BIRC6: variants seen among roughly 807,000 people sequenced by gnomAD.
BIRC6 encodes baculoviral IAP repeat containing 6.
BIRC6 carries 98 observed loss-of-function variants against 503.3 expected under a neutral mutation model. The ratio of observed to expected loss-of-function variants is 0.19; its 90% CI spans 0.17 to 0.23. The LOEUF (loss-of-function observed/expected upper bound fraction) is 0.23, where lower values mean the gene tolerates loss of function less well. BIRC6 is among the 10% of genes least tolerant of loss of function. The pLI is 1.00. For synonymous variants in BIRC6, 2,240 were observed against 2,078.7 expected, an observed-to-expected ratio of 1.08 and a Z score of -2.11; for missense variants, 5,360 against 5,806.0, an observed-to-expected ratio of 0.92 and a Z score of 2.50.
chr2:32,409,583 C>T (rs901600836), intron 9 of BIRC6, among the ~76,000 whole-genome samples: 1 of 152,038 alleles, frequency 6.6e-6, no homozygotes, highest in Non-Finnish European at 1.5e-5. Flanking sequence ...GTATTTGAAC[C>T]ACAGATCAGA....
At chr2:32,452,621 G>A (rs2046843886) in intron 22 of BIRC6, among the ~76,000 whole-genome samples, 1 of 152,076 alleles carries the variant, frequency 6.6e-6, no homozygotes. Context: ...GGGAGCAAAT[G>A]TATGAAACTC....
chr2:32,387,664 A>G (rs921004261), intron 3 of BIRC6, among the ~76,000 whole-genome samples: 20 of 152,218 alleles, frequency 1.3e-4, no homozygotes, highest in African/African-American at 4.1e-4. Flanking sequence ...AACAGCAACA[A>G]AAACAATGCA....
chr2:32,398,815 A>G (rs1439659072), intron 6 of BIRC6, among the ~76,000 whole-genome samples: 1 of 152,122 alleles, frequency 6.6e-6, no homozygotes, highest in Admixed American at 6.5e-5. Flanking sequence ...GGTACGCTAG[A>G]TTTAGCTGGG....
At chr2:32,380,515 T>G (rs2037465710) in intron 3 of BIRC6, among the ~76,000 whole-genome samples, 1 of 152,022 alleles carries the variant, frequency 6.6e-6, no homozygotes, top group Admixed American at 6.6e-5. Flanking sequence ...TCACCTGAGG[T>G]CAGGAGTTTG....
At chr2:32,459,438 G>A (rs1373353065) in intron 23 of BIRC6, among the ~76,000 whole-genome samples, 1 of 152,074 alleles carries the variant, frequency 6.6e-6, no homozygotes, top group Admixed American at 6.5e-5. Context: ...GTCAATGTGT[G>A]TTTTCAGTTC....
intron 10 of BIRC6, among the ~76,000 whole-genome samples, chr2:32,427,069 C>T (rs2043587678): frequency 6.6e-6 from 1 of 152,028 alleles, no homozygotes; most frequent in Non-Finnish European, 1.5e-5. Flanking sequence ...CTTTGACTCT[C>T]AAGAGCTTAT....
intron 54 of BIRC6, among the ~76,000 whole-genome samples, 158 bp from the exon 55 acceptor site, chr2:32,514,832 A>G (rs1478366276): frequency 6.6e-6 from 1 of 152,180 alleles, no homozygotes; most frequent in Admixed American, 6.6e-5. Context: ...GTGTCTATAT[A>G]TATATATATG....
intron 50 of BIRC6, among the ~76,000 whole-genome samples, chr2:32,507,513 A>G (rs1301074022): frequency 6.6e-6 from 1 of 152,248 alleles, no homozygotes. Context: ...AAAAATCACA[A>G]TCTAGTAGTA....
intron 72 of BIRC6, among the ~76,000 whole-genome samples, chr2:32,611,234 T>C (rs2062856441): frequency 6.6e-6 from 1 of 151,888 alleles, no homozygotes; most frequent in African/African-American, 2.4e-5. Context: ...GCCTCCCAAA[T>C]TGAGTTTTAT....
In BIRC6 at chr2:32,480,271, C is replaced by T. The variant is rs140945663; in HGVS notation, c.7408+654C>T. On this transcript the variant is annotated intron_variant, in intron 37 of 73. Coordinates refer to ENST00000421745, the MANE Select transcript of BIRC6 (RefSeq NM_016252.4). ...AAGAGGCTTTTTCTGTCATTCCCAG[C>T]AGAGTTAGGGACTTTGCCATCTGTA... Among the ~76,000 whole-genome samples, 536 of 152,312 alleles carry T rather than the reference C, an allele frequency of 3.5e-3. 9 individuals carry two copies. The highest frequency in any genetic ancestry group is 0.026 in the East Asian group (137 of 5,186).
intron 33 of BIRC6, among the ~76,000 whole-genome samples, chr2:32,475,305 T>C (rs1399126434): frequency 2.6e-5 from 4 of 152,212 alleles, no homozygotes; most frequent in African/African-American, 9.6e-5. Flanking sequence ...AAAGTAACTT[T>C]CTGTGTACAT....
rs148383984 is a variant in BIRC6, at chr2:32,515,471, G to C, written c.11050G>C (p.Ala3684Pro). Residue 3684 changes from alanine (A) to proline (P), a missense_variant, in exon 55 of 74, where the codon GCT (alanine) becomes CCT (proline). By Grantham distance (27) the Ala-to-Pro change is conservative. Transcript: ENST00000421745. ...GATGCCTATCACAGCCGACCTAGTT[G>C]CTCCTATTCTTAGGTTTTTGACAGA... ...NKMPITADLV[A>P]PILRFLTEVG... The C allele has an allele frequency of 6.8e-6, 11 of 1,613,444 alleles. No homozygotes were observed. The highest frequency in any genetic ancestry group is 2.2e-5 in the East Asian group (1 of 44,882).
intron 70 of BIRC6, among the ~76,000 whole-genome samples, chr2:32,600,309 T>G (rs1051684872): frequency 6.6e-6 from 1 of 152,232 alleles, no homozygotes; most frequent in Non-Finnish European, 1.5e-5. Flanking sequence ...AAAATTAGAT[T>G]TAAAAGAGTA....
chr2:32,395,620 T>G lies in BIRC6; in HGVS notation c.1034+27T>G, dbSNP rs762775083. The G allele has an allele frequency of 2.6e-6, 4 of 1,553,612 alleles. No individual in the cohort carries two copies. The South Asian group carries it at 4.5e-5, about 17-fold the overall frequency. On this transcript the variant is annotated intron_variant, in intron 6 of 73. Coordinates refer to ENST00000421745, the MANE Select transcript of BIRC6 (RefSeq NM_016252.4). ...TGAGTCTTGATGTTTCTGGGCATAA[T>G]AGGCTAAGTCAGTCGTGTAAATAAT...
At chr2:32,402,209 G>A (rs1339956613) in intron 8 of BIRC6, among the ~76,000 whole-genome samples, 1 of 152,296 alleles carries the variant, frequency 6.6e-6, no homozygotes, top group Admixed American at 6.5e-5. Flanking sequence ...CCTGATTTTT[G>A]TGGTGGGGTG....
chr2:32,486,981 A>G (rs1488279416), intron 40 of BIRC6, among the ~76,000 whole-genome samples: 2 of 152,090 alleles, frequency 1.3e-5, no homozygotes, highest in African/African-American at 4.8e-5. Context: ...ACTTATTAGA[A>G]TATCTTTTCG....
rs1371358331 is a variant in BIRC6, at chr2:32,491,314, A to G, written c.8207-111A>G. On this transcript the variant is annotated intron_variant, in intron 43 of 73. Transcript: ENST00000421745. Reference sequence around the variant, plus strand: ...AACTGAAACCCCTTTAATAAACTGTAATTACTAGGAATGTATGAATTTTCC... The same window carrying G: ...AACTGAAACCCCTTTAATAAACTGTGATTACTAGGAATGTATGAATTTTCC... The G allele has an allele frequency of 6.5e-6, 7 of 1,081,066 alleles. No individual in the cohort carries two copies. In the African/African-American group the frequency reaches 1.1e-4, roughly 17 times the overall value. 67.0% of individuals were successfully genotyped at this position (1,081,066 alleles called of 1,614,324 possible).
At chr2:32,491,806 G>A (rs1572592960) in intron 44 of BIRC6, among the ~76,000 whole-genome samples, 1 of 152,040 alleles carries the variant, frequency 6.6e-6, no homozygotes, top group East Asian at 1.9e-4. Context: ...CATTAATTTT[G>A]GATAATTGGA....
intron 44 of BIRC6, among the ~76,000 whole-genome samples, chr2:32,492,042 TTGTTA>T (rs1209872358): frequency 6.6e-6 from 1 of 152,162 alleles, no homozygotes; most frequent in Admixed American, 6.5e-5. Flanking sequence ...ATTTAATTTC[TTGTTA>T]TGTTGTACTG....
Sources: gnomAD v4.1 joint callset for allele counts (sites outside exome capture counted in the v4.1 genomes callset) on GRCh38, gnomAD v4.1.1 for gene constraint, MANE v1.5 for transcripts, NCBI Gene and HGNC (gene_info 2026-07-23, HGNC 2026-07-21) for gene names.